SV2C: variants seen among roughly 807,000 people sequenced by gnomAD.
The protein encoded by SV2C is synaptic vesicle glycoprotein 2C, also known as solute carrier family 22 member B3.
In SV2C, 49 loss-of-function variants were observed where a neutral mutation model predicts 79.7. The ratio of observed to expected loss-of-function variants is 0.61; its 90% CI spans 0.49 to 0.78. The LOEUF is 0.78. Ranked by LOEUF, SV2C falls within the 30% of genes least tolerant of loss-of-function variation. SV2C has a pLI of 0.00. For missense variants in SV2C, 833 were observed against 912.9 expected, an observed-to-expected ratio of 0.91 and a Z score of 1.13; for synonymous variants, 334 against 333.2, an observed-to-expected ratio of 1.00 and a Z score of -0.03.
At chr5:76,239,616 G>C (rs543013148) in intron 4 of SV2C, among the ~76,000 whole-genome samples, 1 of 152,296 alleles carries the variant, frequency 6.6e-6, no homozygotes, top group African/African-American at 2.4e-5. Context: ...TACCAAGTTG[G>C]TCCTGGCAAG....
chr5:76,035,110 T>A, the SV2C span, among the ~76,000 whole-genome samples: 1 of 152,232 alleles, frequency 6.6e-6, no homozygotes, highest in African/African-American at 2.4e-5. Flanking sequence ...TTGTCATTTT[T>A]TATTGCGTCT....
intron 4 of SV2C, among the ~76,000 whole-genome samples, chr5:76,247,074 G>A (rs1745967778): frequency 6.6e-6 from 1 of 152,202 alleles, no homozygotes; most frequent in Non-Finnish European, 1.5e-5. Flanking sequence ...GGAAATTGAA[G>A]AACCAGAGAT....
chr5:76,116,821 C>T (rs1748282761), intron 1 of SV2C, among the ~76,000 whole-genome samples: 2 of 152,138 alleles, frequency 1.3e-5, no homozygotes, highest in Admixed American at 6.5e-5. Flanking sequence ...ATCTTCTTTC[C>T]CCCAAAGAGC....
At chr5:75,879,921 A>C in the SV2C span, among the ~76,000 whole-genome samples, 2 of 152,068 alleles carry the variant, frequency 1.3e-5, no homozygotes, top group Non-Finnish European at 2.9e-5. Context: ...AGTCTCCATC[A>C]CTCTTGCATT....
At chr5:76,235,155 G>A (rs1311589190) in intron 4 of SV2C, among the ~76,000 whole-genome samples, 5 of 144,790 alleles carry the variant, frequency 3.5e-5, no homozygotes, top group African/African-American at 1.3e-4. Context: ...AAAGACAAAG[G>A]GAGAATTATC....
chr5:76,173,105 TAATC>T (rs1429565089), intron 2 of SV2C, among the ~76,000 whole-genome samples: 24 of 147,238 alleles, frequency 1.6e-4, no homozygotes, highest in East Asian at 5.8e-4. Context: ...ATAGCTGTGT[TAATC>T]AAAGCGCTTA....
Position 76,285,159 on chromosome 5 carries a change from C to A in SV2C, c.914-3C>A. 6.2e-7 allele frequency: 1 copy of A among 1,613,890 alleles called. No individual in the cohort carries two copies. Among genetic ancestry groups the A allele is most frequent in the Non-Finnish European group, 8.5e-7 (1 of 1,179,878 alleles). On this transcript the variant is annotated splice_region_variant and splice_polypyrimidine_tract_variant and intron_variant, in intron 4 of 12. Coordinates refer to ENST00000502798, the MANE Select transcript of SV2C (RefSeq NM_014979.4). ...CCTCACTCTCCGTGTCCTCCTTTTC[C>A]AGGGTGGAGCTTCAGCATGGGATCG...
At chr5:76,130,812 A>AGAGG (rs1748861840) in intron 1 of SV2C, among the ~76,000 whole-genome samples, 1 of 152,124 alleles carries the variant, frequency 6.6e-6, no homozygotes, top group South Asian at 2.1e-4. Context: ...TGAGAGGGAG[A>AGAGG]GAGGGAGAGA....
At chr5:76,044,809 C>G in the SV2C span, among the ~76,000 whole-genome samples, 2 of 151,982 alleles carry the variant, frequency 1.3e-5, no homozygotes, top group Non-Finnish European at 2.9e-5. Context: ...TAGATTCTGG[C>G]TATTAGACCT....
At chr5:76,336,194 C>G (rs1489244335), downstream of SV2C, among the ~76,000 whole-genome samples, 1 of 151,392 alleles carries the variant, frequency 6.6e-6, no homozygotes, top group African/African-American at 2.4e-5. Flanking sequence ...CGGGCAGAGA[C>G]GCTCCTCACT....
the SV2C span, among the ~76,000 whole-genome samples, chr5:75,924,957 C>T: frequency 6.6e-6 from 1 of 151,926 alleles, no homozygotes; most frequent in Non-Finnish European, 1.5e-5. Flanking sequence ...ATGAAAAATA[C>T]AGTATACAAA....
At chr5:76,209,399 A>G (rs955921324) in intron 3 of SV2C, among the ~76,000 whole-genome samples, 2 of 152,232 alleles carry the variant, frequency 1.3e-5, no homozygotes, top group African/African-American at 2.4e-5. Context: ...TAGGAAATCA[A>G]TGTAAGTTTT....
At chr5:75,849,459 G>GT in the SV2C span, among the ~76,000 whole-genome samples, 2 of 152,282 alleles carry the variant, frequency 1.3e-5, no homozygotes, top group Non-Finnish European at 1.5e-5. Context: ...AAAGACCACT[G>GT]TATAGACCAC....
At chr5:76,007,339 A>G in the SV2C span, among the ~76,000 whole-genome samples, 4 of 152,100 alleles carry the variant, frequency 2.6e-5, no homozygotes, top group African/African-American at 9.6e-5. Flanking sequence ...TTTGAACGCA[A>G]ACAGACTTCG....
chr5:75,970,156 T>C, the SV2C span, among the ~76,000 whole-genome samples: 44 of 152,108 alleles, frequency 2.9e-4, no homozygotes, highest in African/African-American at 6.5e-4. Flanking sequence ...CCAGAATCTC[T>C]TGGACACATT....
chr5:76,201,095 T>C (rs545681011), intron 3 of SV2C, among the ~76,000 whole-genome samples: 1 of 152,360 alleles, frequency 6.6e-6, no homozygotes, highest in South Asian at 2.1e-4. Context: ...TTTAAATGTT[T>C]ATTCGGTACA....
the SV2C span, among the ~76,000 whole-genome samples, chr5:75,959,319 T>C: frequency 6.6e-6 from 1 of 151,986 alleles, no homozygotes; most frequent in Non-Finnish European, 1.5e-5. Context: ...TTGGAGATTC[T>C]GTCGTTTATT....
At chr5:76,194,406 A>G (rs1418744616) in intron 2 of SV2C, among the ~76,000 whole-genome samples, 1 of 152,216 alleles carries the variant, frequency 6.6e-6, no homozygotes, top group African/African-American at 2.4e-5. Context: ...CCCTGGGTCA[A>G]TCCTTCTGCT....
the SV2C span, among the ~76,000 whole-genome samples, chr5:75,881,055 C>T: frequency 6.6e-6 from 1 of 152,096 alleles, no homozygotes; most frequent in Non-Finnish European, 1.5e-5. Flanking sequence ...CACTTTTAAA[C>T]AACCAGATCC....
Sources: allele counts gnomAD v4.1 joint callset (sites outside exome capture counted in the v4.1 genomes callset), GRCh38; gene constraint gnomAD v4.1.1; transcripts MANE v1.5; gene names NCBI Gene and HGNC (gene_info 2026-07-23, HGNC 2026-07-21).